The following FRMD5 variants were observed in gnomAD, a reference collection of about 807,000 sequenced individuals.
FRMD5 encodes the protein FERM domain-containing protein 5.
A neutral mutation model predicts 69.0 loss-of-function variants in FRMD5; 20 were observed. That is an observed-to-expected ratio of 0.29 (90% CI 0.20 to 0.42). The LOEUF (loss-of-function observed/expected upper bound fraction) is 0.42, where lower values mean the gene tolerates loss of function less well. FRMD5 is among the 10% of genes least tolerant of loss of function. The pLI is 1.00. For synonymous variants in FRMD5, 271 were observed against 260.1 expected (o/e 1.04, Z -0.40); for missense variants, 595 against 708.6 (o/e 0.84, Z 1.82).
At chr15:44,177,760 G>C (rs776854997) in intron 1 of FRMD5, among the ~76,000 whole-genome samples, 1 of 152,170 alleles carries the variant, frequency 6.6e-6, no homozygotes, top group Non-Finnish European at 1.5e-5. Flanking sequence ...AAAGAAGCCA[G>C]ACTCAAAAGA....
intron 1 of FRMD5, chr15:43,989,992 A>T (rs1889593000): frequency 2.0e-6 from 2 of 989,586 alleles, no homozygotes; most frequent in Non-Finnish European, 3.2e-6. Context: ...CAGGGTCAGG[A>T]TGCCTCTCTT....
chr15:44,161,663 T>G (rs1169505822), intron 1 of FRMD5, among the ~76,000 whole-genome samples: 2 of 152,334 alleles, frequency 1.3e-5, no homozygotes, highest in African/African-American at 2.4e-5. Context: ...AGGAATGTAG[T>G]GGGATGGCAT....
rs921034918 is a variant in FRMD5, at chr15:44,155,550, AG to A, written c.102+39402del. The stretch of plus-strand genomic sequence containing the variant: ...GAAACTCCATTCCTTTATCAAAAAA[AG>A]GGTTGAATTCTTTTATTCACTAATT... On this transcript the variant is annotated intron_variant, in intron 1 of 13. Transcript: ENST00000417257. Among the ~76,000 whole-genome samples, 11 of 152,304 alleles carry A rather than the reference AG, an allele frequency of 7.2e-5. 1 individual carries two copies. The highest frequency in any genetic ancestry group is 2.6e-4 in the African/African-American group (11 of 41,570).
intron 1 of FRMD5, among the ~76,000 whole-genome samples, chr15:44,185,844 G>A (rs1017958735): frequency 2.0e-5 from 3 of 151,888 alleles, no homozygotes; most frequent in Non-Finnish European, 4.4e-5. Flanking sequence ...GGGCAGGCTA[G>A]ATGCTTTCTC....
At chr15:43,885,575 T>G in intron 11 of FRMD5, 106 bp downstream of exon 11, 1 of 935,960 alleles carries the variant, frequency 1.1e-6, no homozygotes, top group Non-Finnish European at 1.7e-6. Context: ...CTCAGACTTT[T>G]CTGAGTCCTC....
intron 1 of FRMD5, among the ~76,000 whole-genome samples, chr15:44,089,956 G>C (rs1401657219): frequency 6.6e-6 from 1 of 152,060 alleles, no homozygotes; most frequent in Non-Finnish European, 1.5e-5. Context: ...TTATCATAAA[G>C]AAAGAACACA....
At chr15:43,965,317 C>T (rs2090275599) in intron 1 of FRMD5, among the ~76,000 whole-genome samples, 1 of 152,172 alleles carries the variant, frequency 6.6e-6, no homozygotes, top group South Asian at 2.1e-4. Context: ...AGGATGATAT[C>T]TGCCTTTTAC....
intron 1 of FRMD5, among the ~76,000 whole-genome samples, chr15:43,963,869 A>C (rs2090247420): frequency 6.6e-6 from 1 of 152,122 alleles, no homozygotes; most frequent in Admixed American, 6.6e-5. Flanking sequence ...GAACACATGG[A>C]CACAGGAAGG....
intron 1 of FRMD5, among the ~76,000 whole-genome samples, chr15:44,097,761 A>G (rs1173305045): frequency 2.6e-5 from 4 of 152,198 alleles, no homozygotes; most frequent in African/African-American, 7.2e-5. Context: ...TGTTTACTCA[A>G]CTTCAGAGAA....
chr15:43,996,284 G>C (rs1310618522), intron 1 of FRMD5, among the ~76,000 whole-genome samples: 4 of 152,128 alleles, frequency 2.6e-5, no homozygotes, highest in Admixed American at 6.5e-5. Flanking sequence ...CTGGAGTCAG[G>C]GACCATGGGG....
intron 1 of FRMD5, among the ~76,000 whole-genome samples, chr15:44,071,434 C>CAAAAT (rs911468803): frequency 1.4e-5 from 2 of 146,644 alleles, no homozygotes; most frequent in African/African-American, 5.4e-5. Flanking sequence ...CTAAACAAAA[C>CAAAAT]AAAACAAAAC....
intron 1 of FRMD5, among the ~76,000 whole-genome samples, chr15:44,121,054 T>C (rs2076942724): frequency 1.3e-5 from 2 of 151,156 alleles, no homozygotes; most frequent in Non-Finnish European, 2.9e-5. Flanking sequence ...GAGTGAGAAA[T>C]GAGAAGTTCA....
At chr15:44,147,806 G>A (rs1322794377) in intron 1 of FRMD5, among the ~76,000 whole-genome samples, 1 of 152,098 alleles carries the variant, frequency 6.6e-6, no homozygotes, top group Non-Finnish European at 1.5e-5. Context: ...ATAAATTTCA[G>A]CTGTTATCAC....
chr15:43,954,858 C>T (rs4533260), intron 1 of FRMD5, among the ~76,000 whole-genome samples: 2,426 of 152,262 alleles, frequency 0.016, 70 homozygotes, highest in African/African-American at 0.056. Context: ...TAGCACTCTT[C>T]GTTTAACAGC....
rs530043447 is a variant in FRMD5 at position 43,883,487 on chromosome 15, C to T, written c.1135+216G>A. 3.9e-5 allele frequency among the ~76,000 whole-genome samples: 6 copies of T among 152,322 alleles called. No homozygotes were observed. The East Asian group carries it at 1.2e-3, about 29-fold the overall frequency. On this transcript the variant is annotated intron_variant, in intron 13 of 13. Coordinates refer to ENST00000417257, the MANE Select transcript of FRMD5 (RefSeq NM_032892.5). ...AGTCCCCCAAAGGGCTAACCCAGCA[C>T]CCTCAAATCCACAACCCTCCTGCTT...
chr15:43,999,930 T>TATATATATATATATGCCATGC lies in FRMD5; in HGVS notation c.103-75622_103-75621insGCATGGCATATATATATATAT, dbSNP rs1566889657. On this transcript the variant is annotated intron_variant, in intron 1 of 13. Coordinates refer to ENST00000417257, the MANE Select transcript of FRMD5 (RefSeq NM_032892.5). ...ATATTTGTGTGTGTGTATGTATATA[T>TATATATATATATATGCCATGC]ATATATATATATATATGCCATGCAT... Among the ~76,000 whole-genome samples, 121 of 129,488 alleles carry TATATATATATATATGCCATGC rather than the reference T, an allele frequency of 9.3e-4. 9 individuals are homozygous for TATATATATATATATGCCATGC. The highest frequency in any genetic ancestry group is 1.5e-3 in the African/African-American group (48 of 31,202). 84.9% of individuals were successfully genotyped at this position (129,488 alleles called of 152,430 possible). A position where few individuals can be genotyped will look rare whatever the true frequency, so the allele number is the denominator to read the frequency against.
At chr15:44,165,223 A>T (rs2077689389) in intron 1 of FRMD5, among the ~76,000 whole-genome samples, 1 of 152,214 alleles carries the variant, frequency 6.6e-6, no homozygotes, top group East Asian at 1.9e-4. Flanking sequence ...GTTCGAGACC[A>T]GCCTGGCCAA....
chr15:43,949,743 C>T (rs146617977), intron 1 of FRMD5, among the ~76,000 whole-genome samples: 21 of 152,304 alleles, frequency 1.4e-4, no homozygotes, highest in African/African-American at 5.1e-4. Flanking sequence ...TTTAAACACA[C>T]ATTAATCATG....
At chr15:43,991,306 T>C (rs953024214) in intron 1 of FRMD5, among the ~76,000 whole-genome samples, 5 of 152,192 alleles carry the variant, frequency 3.3e-5, no homozygotes, top group East Asian at 1.9e-4. Flanking sequence ...GGAACTCTGA[T>C]GGGAAAGGAA....
Sources: allele counts gnomAD v4.1 joint callset (sites outside exome capture counted in the v4.1 genomes callset), GRCh38; gene constraint gnomAD v4.1.1; transcripts MANE v1.5; gene names NCBI Gene and HGNC (gene_info 2026-07-23, HGNC 2026-07-21).